Variants in CRPPA observed in about 807,000 individuals in gnomAD.
CRPPA encodes CDP-L-ribitol pyrophosphorylase A.
In CRPPA, 43 loss-of-function variants were observed where a neutral mutation model predicts 52.0. The observed-to-expected ratio is 0.83, with a 90% CI of 0.65 to 1.07. The LOEUF (loss-of-function observed/expected upper bound fraction) is 1.07. Among genes scored for constraint, CRPPA ranks in the 50% least tolerant of loss-of-function variants. CRPPA has a pLI of 0.00. For missense variants in CRPPA, 629 were observed against 551.7 expected (o/e 1.14, Z -1.40); for synonymous variants, 250 against 203.5 (o/e 1.23, Z -1.94).
chr7:16,405,954 C>A, intron 2 of CRPPA, 107 bp downstream of exon 2: 1 of 1,011,478 alleles, frequency 9.9e-7, no homozygotes, highest in South Asian at 1.7e-5. Flanking sequence ...GGTCATCATG[C>A]ACATTTTAAA....
chr7:16,225,814 C>T (rs1251176504), intron 8 of CRPPA, among the ~76,000 whole-genome samples: 1 of 151,894 alleles, frequency 6.6e-6, no homozygotes, highest in African/African-American at 2.4e-5. Flanking sequence ...TACTACAAGT[C>T]CATCATGCTA....
chr7:16,107,401 A>G (rs2128366043), intron 9 of CRPPA, among the ~76,000 whole-genome samples: 1 of 152,312 alleles, frequency 6.6e-6, no homozygotes, highest in East Asian at 1.9e-4. Context: ...CAAAGGAATG[A>G]CAATGTGACT....
chr7:16,101,345 G>A (rs1782040422), intron 9 of CRPPA, among the ~76,000 whole-genome samples: 1 of 152,026 alleles, frequency 6.6e-6, no homozygotes, highest in Non-Finnish European at 1.5e-5. Context: ...GCTACTCAGT[G>A]ATTCAACTAC....
At chr7:16,272,091 T>C (rs1784102192) in intron 6 of CRPPA, among the ~76,000 whole-genome samples, 1 of 152,172 alleles carries the variant, frequency 6.6e-6, no homozygotes, top group Admixed American at 6.5e-5. Context: ...GATCTATCTC[T>C]GGAGAGCTCT....
At chr7:16,378,642 G>C (rs1348490905) in intron 2 of CRPPA, among the ~76,000 whole-genome samples, 1 of 151,542 alleles carries the variant, frequency 6.6e-6, no homozygotes, top group African/African-American at 2.4e-5. Flanking sequence ...GGGATGGCTG[G>C]GTCAAATGGT....
intron 4 of CRPPA, among the ~76,000 whole-genome samples, chr7:16,307,895 C>T (rs1784947629): frequency 7.6e-6 from 1 of 130,948 alleles, no homozygotes; most frequent in South Asian, 2.4e-4. Context: ...AAAGTTGTAG[C>T]TTTAATCAAA....
chr7:16,209,131 C>CAAAGAAGAT, intron 9 of CRPPA: 1 of 370,908 alleles, frequency 2.7e-6, no homozygotes, highest in Non-Finnish European at 5.3e-6. Context: ...GCTAAAACTA[C>CAAAGAAGAT]AAAGAAGATT....
At chr7:16,140,549 A>G (rs924671887) in intron 9 of CRPPA, among the ~76,000 whole-genome samples, 3 of 152,208 alleles carry the variant, frequency 2.0e-5, no homozygotes, top group African/African-American at 7.2e-5. Flanking sequence ...TATAACATAA[A>G]AAGTTGAATC....
intron 9 of CRPPA, among the ~76,000 whole-genome samples, chr7:16,176,858 C>T (rs1355701312): frequency 6.6e-6 from 1 of 152,076 alleles, no homozygotes; most frequent in Non-Finnish European, 1.5e-5. Context: ...AATAACGGAA[C>T]ATGAATGCTG....
At chr7:16,237,257 C>T (rs187956878) in intron 8 of CRPPA, 7 of 152,298 alleles carry the variant, frequency 4.6e-5, no homozygotes, top group African/African-American at 1.7e-4. Context: ...CCTGCTATAA[C>T]ACATACCATC....
At chr7:16,413,803 T>C (rs762986669) in intron 1 of CRPPA, among the ~76,000 whole-genome samples, 1 of 152,190 alleles carries the variant, frequency 6.6e-6, no homozygotes, top group Non-Finnish European at 1.5e-5. Context: ...ATATAGACTT[T>C]CATTGATTTC....
intron 1 of CRPPA, among the ~76,000 whole-genome samples, chr7:16,413,664 T>C (rs1163170249): frequency 6.6e-6 from 1 of 152,192 alleles, no homozygotes; most frequent in Non-Finnish European, 1.5e-5. Flanking sequence ...TTGCTGTGGT[T>C]TTCCAAAATC....
At chr7:16,316,541 T>A (rs976472486) in intron 3 of CRPPA, among the ~76,000 whole-genome samples, 3 of 152,118 alleles carry the variant, frequency 2.0e-5, no homozygotes, top group Admixed American at 2.0e-4. Context: ...CATGTTCTGG[T>A]GGTATTTAAG....
intron 9 of CRPPA, among the ~76,000 whole-genome samples, chr7:16,159,943 G>A (rs1783267302): frequency 1.3e-5 from 2 of 152,192 alleles, no homozygotes; most frequent in Admixed American, 1.3e-4. Context: ...GACCAGTGAT[G>A]ATGAGCACGT....
At chr7:16,401,274 C>T (rs1383160204) in intron 2 of CRPPA, among the ~76,000 whole-genome samples, 1 of 152,172 alleles carries the variant, frequency 6.6e-6, no homozygotes, top group East Asian at 1.9e-4. Context: ...AGTCTTCCTC[C>T]CAGGAACCTG....
chr7:16,224,714 C>T (rs1438255362), intron 8 of CRPPA, among the ~76,000 whole-genome samples: 2 of 152,002 alleles, frequency 1.3e-5, no homozygotes, highest in African/African-American at 4.8e-5. Flanking sequence ...TATAATGAAT[C>T]TAAAAACTGA....
At chr7:16,293,331 G>A (rs1400191231) in intron 5 of CRPPA, among the ~76,000 whole-genome samples, 1 of 76,054 alleles carries the variant, frequency 1.3e-5, no homozygotes, top group Non-Finnish European at 2.5e-5. Flanking sequence ...ATTTCCAAAA[G>A]ATGTTTCAAG....
chr7:16,213,322 T>G (rs1040564609), intron 9 of CRPPA, among the ~76,000 whole-genome samples: 2 of 152,244 alleles, frequency 1.3e-5, no homozygotes, highest in Admixed American at 6.5e-5. Flanking sequence ...TAGAATTATT[T>G]AAGATTATAC....
chr7:16,213,180 G>C (rs777113745), intron 9 of CRPPA, among the ~76,000 whole-genome samples: 36 of 152,280 alleles, frequency 2.4e-4, no homozygotes, highest in Non-Finnish European at 4.3e-4. Context: ...TAAGTTCACT[G>C]CTAGATCATC....
Sources: allele counts gnomAD v4.1 joint callset (sites outside exome capture counted in the v4.1 genomes callset), GRCh38; gene constraint gnomAD v4.1.1; transcripts MANE v1.5; gene names NCBI Gene and HGNC (gene_info 2026-07-23, HGNC 2026-07-21).